Variants in PDE3B observed in about 807,000 individuals in gnomAD.
PDE3B encodes cGMP-inhibited 3',5'-cyclic phosphodiesterase 3B.
In PDE3B, 66 loss-of-function variants were observed where a neutral mutation model predicts 116.8. The ratio of observed to expected loss-of-function variants is 0.56; its 90% CI spans 0.46 to 0.69. The LOEUF (loss-of-function observed/expected upper bound fraction) is 0.69, where lower values mean the gene tolerates loss of function less well. Ranked by LOEUF, PDE3B falls within the 30% of genes least tolerant of loss-of-function variation. The probability of loss-of-function intolerance (pLI) is 0.00; values close to 1 mark genes in which losing one functional copy is unlikely to be tolerated. For missense variants in PDE3B, 1,384 were observed against 1,368.1 expected, an observed-to-expected ratio of 1.01 and a Z score of -0.18; for synonymous variants, 595 against 533.6, an observed-to-expected ratio of 1.12 and a Z score of -1.59.
Position 14,699,478 on chromosome 11 carries a change from T to C in PDE3B, c.978+54425T>C, listed in dbSNP as rs558258923. On this transcript the variant is annotated intron_variant, in intron 1 of 15. Transcript: ENST00000282096. ...ACATCTTTTCTTCCTTTAAGTGATA[T>C]AGAATACTTGAAAAACTATTCCTTG... 9 of 152,020 alleles carry C rather than the reference T, an allele frequency of 5.9e-5. No individual in the cohort carries two copies. The South Asian group carries it at 1.5e-3, about 25-fold the overall frequency. The allele number at this position is 152,020 out of a possible 1,614,324, so 9.4% of individuals were successfully genotyped here. A position where few individuals can be genotyped will look rare whatever the true frequency, so the allele number is the denominator to read the frequency against.
At position 14,727,049 on chromosome 11, in the gene PDE3B, G is replaced by T. The variant is rs759975794; in HGVS notation, c.979-44888G>T. The stretch of plus-strand genomic sequence containing the variant: ...TTGATTCATAATCCCTTTTTGCAAG[G>T]TGGCAAAGCTTACCTTTCTCCTCAA... On this transcript the variant is annotated intron_variant, in intron 1 of 15. Coordinates refer to ENST00000282096, the MANE Select transcript of PDE3B (RefSeq NM_000922.4). Among the ~76,000 whole-genome samples the T allele has an allele frequency of 1.5e-4, 23 of 152,140 alleles. No homozygotes were observed. In the Middle Eastern group the frequency reaches 0.01, roughly 67 times the overall value.
chr11:14,675,191 G>A (rs1302488501), intron 1 of PDE3B, among the ~76,000 whole-genome samples: 1 of 152,168 alleles, frequency 6.6e-6, no homozygotes, highest in Non-Finnish European at 1.5e-5. Context: ...TAGGCCTTAA[G>A]TCAGTGTTTC....
At chr11:14,819,549 G>A (rs1176018876) in intron 7 of PDE3B, among the ~76,000 whole-genome samples, 1 of 151,932 alleles carries the variant, frequency 6.6e-6, no homozygotes, top group Non-Finnish European at 1.5e-5. Flanking sequence ...GCATAAAGAG[G>A]GGTTGTTTTA....
the PDE3B span, chr11:14,891,625 C>G: frequency 9.2e-7 from 1 of 1,089,716 alleles, no homozygotes; most frequent in South Asian, 2.8e-5. Flanking sequence ...AAGACGCCCG[C>G]ACCTGAGGGC....
intron 1 of PDE3B, among the ~76,000 whole-genome samples, chr11:14,740,126 A>T (rs184021282): frequency 1.3e-5 from 2 of 152,230 alleles, no homozygotes; most frequent in Admixed American, 6.5e-5. Flanking sequence ...AAAATGAGTT[A>T]GGGAGGATTT....
chr11:14,798,139 A>G (rs1392175744), intron 4 of PDE3B, among the ~76,000 whole-genome samples: 8 of 152,178 alleles, frequency 5.3e-5, no homozygotes, highest in Admixed American at 5.2e-4. Flanking sequence ...TTTTAGCATG[A>G]AGGGGTGTTG....
chr11:14,891,291 G>T, the PDE3B span: 1 of 985,292 alleles, frequency 1.0e-6, no homozygotes, highest in Non-Finnish European at 1.2e-6. Flanking sequence ...AGTTGGCAGT[G>T]ACAGTGGCAC....
intron 1 of PDE3B, among the ~76,000 whole-genome samples, chr11:14,656,739 A>G (rs937712398): frequency 2.0e-5 from 3 of 152,206 alleles, no homozygotes; most frequent in African/African-American, 7.2e-5. Context: ...GCACCTGGCA[A>G]GTTTTCAACA....
At chr11:14,690,926 T>C (rs1565093973) in intron 1 of PDE3B, among the ~76,000 whole-genome samples, 3 of 152,146 alleles carry the variant, frequency 2.0e-5, no homozygotes, top group African/African-American at 7.2e-5. Flanking sequence ...GGAAGTTTTT[T>C]TGTATGTGTG....
intron 11 of PDE3B, among the ~76,000 whole-genome samples, chr11:14,838,259 G>A (rs958789546): frequency 1.3e-5 from 2 of 152,066 alleles, no homozygotes; most frequent in African/African-American, 4.8e-5. Flanking sequence ...GATTATAGGT[G>A]TGAGCCACTG....
chr11:14,747,985 A>G (rs1392283308), intron 1 of PDE3B, among the ~76,000 whole-genome samples: 1 of 152,214 alleles, frequency 6.6e-6, no homozygotes, highest in Non-Finnish European at 1.5e-5. Context: ...ATTTTTAGTG[A>G]TTAAATTGTG....
intron 1 of PDE3B, among the ~76,000 whole-genome samples, chr11:14,676,786 C>G (rs1233690284): frequency 6.6e-6 from 1 of 152,028 alleles, no homozygotes; most frequent in Non-Finnish European, 1.5e-5. Flanking sequence ...TGTTGCTTAC[C>G]TCTTCATTTT....
At chr11:14,751,796 G>T (rs1025645696) in intron 1 of PDE3B, among the ~76,000 whole-genome samples, 17 of 152,308 alleles carry the variant, frequency 1.1e-4, no homozygotes, top group Admixed American at 4.6e-4. Context: ...TAGGCAACGA[G>T]ATTTATCTAT....
At chr11:14,891,707 T>A in the PDE3B span, 1 of 1,235,740 alleles carries the variant, frequency 8.1e-7, no homozygotes, top group Non-Finnish European at 1.0e-6. Flanking sequence ...GAGCAAGAGC[T>A]CGAGCGGTAG....
chr11:14,727,941 C>G (rs1197302359), intron 1 of PDE3B, among the ~76,000 whole-genome samples: 1 of 151,934 alleles, frequency 6.6e-6, no homozygotes, highest in Non-Finnish European at 1.5e-5. Flanking sequence ...TATGACATTC[C>G]ATTTTGACAG....
chr11:14,811,208 A>G (rs545084211), intron 5 of PDE3B, among the ~76,000 whole-genome samples: 7 of 151,998 alleles, frequency 4.6e-5, no homozygotes, highest in East Asian at 1.9e-4. Flanking sequence ...TTTTGTTGCC[A>G]TTGCTTTTGG....
chr11:14,644,457 G>A lies in PDE3B; in HGVS notation c.382G>A (p.Ala128Thr). Reference sequence around the variant, plus strand: ...GAGCCCCCTCTTCAGCATCGCCTGTGCCTTCTTCTTCCTCACCTGCTTCCT... The same window carrying A: ...GAGCCCCCTCTTCAGCATCGCCTGTACCTTCTTCTTCCTCACCTGCTTCCT... ...SLSPLFSIACAFFFLTCFLTR... is the reference protein window; with the variant it reads ...SLSPLFSIACTFFFLTCFLTR... The change falls in exon 1 of 16, where the codon GCC becomes ACC. Residue 128 changes from alanine to threonine, a missense_variant. This residue lies in a region of PDE3B where 956 missense variants were observed against 806.8 expected (regional missense o/e 1.18). Transcript: ENST00000282096. 6.2e-7 allele frequency: 1 copy of A among 1,613,190 alleles called. No individual in the cohort carries two copies.
At chr11:14,829,646 C>T (rs1859807794) in intron 7 of PDE3B, among the ~76,000 whole-genome samples, 1 of 151,916 alleles carries the variant, frequency 6.6e-6, no homozygotes. Context: ...ATGACGAGAA[C>T]ACATGGACAT....
chr11:14,770,900 TG>T (rs1486030825), intron 1 of PDE3B, among the ~76,000 whole-genome samples: 16 of 151,728 alleles, frequency 1.1e-4, no homozygotes, highest in Non-Finnish European at 2.1e-4. Flanking sequence ...ACTGACCAAA[TG>T]CTGCCAGCAG....
Sources: allele counts gnomAD v4.1 joint callset (sites outside exome capture counted in the v4.1 genomes callset), GRCh38; gene constraint gnomAD v4.1.1; regional missense constraint gnomAD v4.1.1; transcripts MANE v1.5; gene names NCBI Gene and HGNC (gene_info 2026-07-23, HGNC 2026-07-21).